PRKG2: variants seen among roughly 807,000 people sequenced by gnomAD.
PRKG2 encodes cGMP-dependent protein kinase 2.
PRKG2 carries 33 observed loss-of-function variants against 97.2 expected under a neutral mutation model. The ratio of observed to expected loss-of-function variants is 0.34; its 90% CI spans 0.26 to 0.45. The LOEUF (loss-of-function observed/expected upper bound fraction) is 0.45, where lower values mean the gene tolerates loss of function less well. PRKG2 is among the 20% of genes least tolerant of loss of function. The probability of loss-of-function intolerance (pLI) is 1.00; values close to 1 mark genes in which losing one functional copy is unlikely to be tolerated. For synonymous variants in PRKG2, 330 were observed against 321.8 expected (o/e 1.03, Z -0.27); for missense variants, 638 against 900.0 (o/e 0.71, Z 3.73).
chr4:81,138,104 A>C (rs566884107), intron 12 of PRKG2, among the ~76,000 whole-genome samples: 3 of 152,162 alleles, frequency 2.0e-5, no homozygotes, highest in Non-Finnish European at 2.9e-5. Flanking sequence ...GCATGTCCCC[A>C]AAGAGAGAGT....
rs1741293770 is a variant in PRKG2, at chr4:81,088,861, C to A, written c.*847G>T. 6.6e-6 allele frequency: 1 copy of A among 152,160 alleles called. No homozygotes were observed. Among genetic ancestry groups the A allele is most frequent in the Non-Finnish European group, 1.5e-5 (1 of 68,012 alleles). 9.4% of individuals were successfully genotyped at this position (152,160 alleles called of 1,614,324 possible). A position where few individuals can be genotyped will look rare whatever the true frequency, so the allele number is the denominator to read the frequency against. The stretch of plus-strand genomic sequence containing the variant: ...TACCTACTAGAATATATTTTCCTTT[C>A]TATTTACTGGGAGGCAAAAGCCTTC... On this transcript the variant is annotated 3_prime_UTR_variant, in exon 19 of 19. Transcript: ENST00000264399.
intron 14 of PRKG2, among the ~76,000 whole-genome samples, chr4:81,123,445 C>T (rs983368058): frequency 6.6e-6 from 1 of 152,192 alleles, no homozygotes; most frequent in Non-Finnish European, 1.5e-5. Context: ...TGCTCTGTTG[C>T]CCAGGCTGGA....
chr4:81,125,922 G>C (rs1448949651), intron 14 of PRKG2, among the ~76,000 whole-genome samples: 1 of 152,090 alleles, frequency 6.6e-6, no homozygotes, highest in Non-Finnish European at 1.5e-5. Flanking sequence ...TACATGTGCA[G>C]AATGTGCAAG....
At chr4:81,154,529 G>C (rs1391491448) in intron 6 of PRKG2, among the ~76,000 whole-genome samples, 2 of 141,702 alleles carry the variant, frequency 1.4e-5, no homozygotes, top group Admixed American at 6.7e-5. Flanking sequence ...CACACGGCAG[G>C]GTACTCCAAC....
At chr4:81,195,514 T>C (rs1009959994) in intron 2 of PRKG2, among the ~76,000 whole-genome samples, 1 of 152,202 alleles carries the variant, frequency 6.6e-6, no homozygotes, top group Non-Finnish European at 1.5e-5. Flanking sequence ...CTTCCCAAAC[T>C]GGAACTCTGT....
chr4:81,215,422 A>G (rs946184335), upstream of PRKG2, among the ~76,000 whole-genome samples: 4 of 152,194 alleles, frequency 2.6e-5, no homozygotes, highest in African/African-American at 9.7e-5. Context: ...TAGTGAGGCA[A>G]CTTAAGTAGG....
intron 14 of PRKG2, among the ~76,000 whole-genome samples, chr4:81,130,966 T>C (rs1315732959): frequency 6.6e-6 from 1 of 152,186 alleles, no homozygotes; most frequent in African/African-American, 2.4e-5. Flanking sequence ...GCTCCCTGGC[T>C]TCAGCCCCCT....
chr4:81,111,989 T>C (rs1744037588), intron 14 of PRKG2, among the ~76,000 whole-genome samples: 1 of 152,130 alleles, frequency 6.6e-6, no homozygotes, highest in Non-Finnish European at 1.5e-5. Flanking sequence ...TAAACAAGGT[T>C]CACATAACAA....
chr4:81,148,769 T>C (rs926895136), intron 9 of PRKG2, 115 bp downstream of exon 9: 1 of 884,460 alleles, frequency 1.1e-6, no homozygotes, highest in Non-Finnish European at 1.9e-6. Context: ...GCAGCTGAGA[T>C]CGGCCAGTAT....
intron 14 of PRKG2, among the ~76,000 whole-genome samples, chr4:81,118,034 T>G (rs1744723993): frequency 6.6e-6 from 1 of 152,200 alleles, no homozygotes; most frequent in Non-Finnish European, 1.5e-5. Flanking sequence ...ACCACTAATC[T>G]TTTTGCTGTC....
chr4:81,124,581 G>T (rs949057344), intron 14 of PRKG2, among the ~76,000 whole-genome samples: 1 of 152,126 alleles, frequency 6.6e-6, no homozygotes, highest in Non-Finnish European at 1.5e-5. Context: ...TATTCAATCA[G>T]TCCCAGGAAG....
intron 15 of PRKG2, among the ~76,000 whole-genome samples, chr4:81,108,187 A>G (rs1335894448): frequency 6.6e-6 from 1 of 152,168 alleles, no homozygotes; most frequent in Non-Finnish European, 1.5e-5. Context: ...CCTGGGCAAC[A>G]CAGCAAGACT....
At chr4:81,194,433 G>T (rs1752810999) in intron 2 of PRKG2, among the ~76,000 whole-genome samples, 1 of 151,228 alleles carries the variant, frequency 6.6e-6, no homozygotes, top group Admixed American at 6.6e-5. Flanking sequence ...AAATGCACAA[G>T]TTTATAATTT....
At chr4:81,140,740 T>C in intron 11 of PRKG2, 71 bp from the exon 12 acceptor site, 1 of 1,356,240 alleles carries the variant, frequency 7.4e-7, no homozygotes, top group Non-Finnish European at 1.0e-6. Flanking sequence ...CAATGAGAGT[T>C]AAAACTGTTT....
At chr4:81,217,271 T>C (rs566888646), upstream of PRKG2, among the ~76,000 whole-genome samples, 1 of 151,932 alleles carries the variant, frequency 6.6e-6, no homozygotes, top group South Asian at 2.1e-4. Flanking sequence ...CCAAATAGAA[T>C]AAAAAATAGC....
Position 81,155,177 on chromosome 4 carries a change from C to CAAAAAA in PRKG2, c.913-1462_913-1457dup, listed in dbSNP as rs57874087. Among the ~76,000 whole-genome samples, 8 of 74,388 alleles carry CAAAAAA rather than the reference C, an allele frequency of 1.1e-4. 2 individuals are homozygous for CAAAAAA. The highest frequency in any genetic ancestry group is 7.4e-4 in the African/African-American group (8 of 10,804). The allele number at this position is 74,388 out of a possible 152,430, so 48.8% of individuals were successfully genotyped here. A position where few individuals can be genotyped will look rare whatever the true frequency, so the allele number is the denominator to read the frequency against. On this transcript the variant is annotated intron_variant, in intron 6 of 18. Coordinates refer to ENST00000264399, the MANE Select transcript of PRKG2 (RefSeq NM_006259.3). ...TGGGCGACAGAGCGAGACTCCGTCT[C>CAAAAAA]AAAAAAAAAAAAAAGAAGAATGTAT...
intron 6 of PRKG2, among the ~76,000 whole-genome samples, chr4:81,155,110 G>A (rs1288541093): frequency 5.2e-4 from 74 of 142,738 alleles, no homozygotes; most frequent in African/African-American, 1.9e-3. Context: ...CCCGGGAGGC[G>A]GAGCTTGCAG....
intron 6 of PRKG2, among the ~76,000 whole-genome samples, chr4:81,154,914 C>G (rs1748870316): frequency 6.6e-6 from 1 of 152,114 alleles, no homozygotes; most frequent in Non-Finnish European, 1.5e-5. Context: ...GTGGCTCACG[C>G]CTGTAATCCC....
intron 17 of PRKG2, among the ~76,000 whole-genome samples, chr4:81,099,018 C>A (rs1447210195): frequency 6.6e-6 from 1 of 152,222 alleles, no homozygotes; most frequent in Middle Eastern, 3.4e-3. Flanking sequence ...TATGCCTGAA[C>A]CTGAAACAAA....
Sources: gnomAD v4.1 joint callset for allele counts (sites outside exome capture counted in the v4.1 genomes callset) on GRCh38, gnomAD v4.1.1 for gene constraint, MANE v1.5 for transcripts, NCBI Gene and HGNC (gene_info 2026-07-23, HGNC 2026-07-21) for gene names.